Variants in CAPN9 observed in about 807,000 individuals in gnomAD.
CAPN9 encodes calpain 9, also known as calpain-9.
A neutral mutation model predicts 92.8 loss-of-function variants in CAPN9; 81 were observed. The ratio of observed to expected loss-of-function variants is 0.87; its 90% CI spans 0.73 to 1.05. The LOEUF (loss-of-function observed/expected upper bound fraction) is 1.05, where lower values mean the gene tolerates loss of function less well. Ranked by LOEUF, CAPN9 falls within the 50% of genes least tolerant of loss-of-function variation. The pLI is 0.00. For synonymous variants in CAPN9, 304 were observed against 328.0 expected (o/e 0.93, Z 0.79); for missense variants, 848 against 866.2 (o/e 0.98, Z 0.26).
Position 230,790,138 on chromosome 1 carries a change from G to A in CAPN9, c.1606G>A (p.Glu536Lys). Residue 536 changes from glutamate (E) to lysine (K), a missense_variant, in exon 14 of 20, where the codon GAG becomes AAG. By Grantham distance (56) the Glu-to-Lys change is moderately conservative (BLOSUM62 1). Transcript: ENST00000271971. ...ATTGTCTCCACTTCAACAGGACATG[G>A]AGGTGACAGCAGAGGAACTTGAGTA... ...LFEQVAGEDM[E>K]VTAEELEYVL... 6.2e-7 allele frequency: 1 copy of A among 1,613,686 alleles called. No homozygotes were observed. The highest frequency in any genetic ancestry group is 8.5e-7 in the Non-Finnish European group (1 of 1,179,570).
At chr1:230,771,978 A>T in intron 6 of CAPN9, 36 bp from the exon 7 acceptor site, 1 of 1,565,362 alleles carries the variant, frequency 6.4e-7, no homozygotes, top group Non-Finnish European at 8.8e-7. Flanking sequence ...CACCATATTT[A>T]TCATTTCACA....
chr1:230,752,243 TA>T (rs1438034404), intron 1 of CAPN9, among the ~76,000 whole-genome samples: 1 of 152,034 alleles, frequency 6.6e-6, no homozygotes, highest in African/African-American at 2.4e-5. Flanking sequence ...CCCAGGCATC[TA>T]ACCCAGGCCC....
chr1:230,780,739 A>C, intron 11 of CAPN9, 31 bp downstream of exon 11: 1 of 1,584,622 alleles, frequency 6.3e-7, no homozygotes, highest in East Asian at 2.2e-5. Context: ...CCAGAATCCC[A>C]CTTCTTTTAG....
In CAPN9 at chr1:230,747,720, C is replaced by T. The variant is rs12143120; in HGVS notation, c.213+11C>T. On this transcript the variant is annotated intron_variant, in intron 1 of 19. Coordinates refer to ENST00000271971, the MANE Select transcript of CAPN9 (RefSeq NM_006615.3). ...TGGAAACGACCAGGGGTGAGTGGGG[C>T]GAGCAGGGGAAGGAGCATAGATGAG... 646,049 of 1,611,046 alleles carry T rather than the reference C, an allele frequency of 0.4. 131,089 individuals carry two copies. Among genetic ancestry groups the T allele is most frequent in the Admixed American group, 0.42 (25,171 of 59,920 alleles).
At chr1:230,747,872 A>C (rs1664525522) in intron 1 of CAPN9, among the ~76,000 whole-genome samples, 163 bp downstream of exon 1, 1 of 152,096 alleles carries the variant, frequency 6.6e-6, no homozygotes, top group African/African-American at 2.4e-5. Flanking sequence ...GGAGGCAGAA[A>C]ATAATGTACA....
chr1:230,764,757 G>A (rs1193287575), intron 4 of CAPN9, among the ~76,000 whole-genome samples: 3 of 152,216 alleles, frequency 2.0e-5, no homozygotes, highest in Non-Finnish European at 2.9e-5. Context: ...GATGGCGGGA[G>A]CCGAGTTTCT....
chr1:230,747,465 C>A lies in CAPN9; in HGVS notation c.-32C>A. The A allele has an allele frequency of 6.3e-7, 1 of 1,585,982 alleles. No homozygotes were observed. Among genetic ancestry groups the A allele is most frequent in the Non-Finnish European group, 8.7e-7 (1 of 1,154,986 alleles). On this transcript the variant is annotated 5_prime_UTR_variant, in exon 1 of 20. Coordinates refer to ENST00000271971, the MANE Select transcript of CAPN9 (RefSeq NM_006615.3). ...TCTTCACTTTCTTTTCCATCCACTG[C>A]CGGACCCAAGCCAGCCTTCCAGGGA...
intron 5 of CAPN9, among the ~76,000 whole-genome samples, chr1:230,768,654 T>C (rs866074041): frequency 5.3e-5 from 8 of 152,298 alleles, no homozygotes; most frequent in Middle Eastern, 3.4e-3. Context: ...TAATTTTATC[T>C]CATCTTTTTA....
chr1:230,786,004 T>C lies in CAPN9; in HGVS notation c.1505T>C (p.Ile502Thr), dbSNP rs1477755895. The change falls in exon 12 of 20, where the codon ATT becomes ACT. Residue 502 changes from isoleucine (I) to threonine (T), a missense_variant. Coordinates refer to ENST00000271971, the MANE Select transcript of CAPN9 (RefSeq NM_006615.3). ...ITRDMDGNVD[I>T]DLPEPPKPTP... The stretch of plus-strand genomic sequence containing the variant: ...AGGGATATGGATGGAAATGTAGACA[T>C]TGACCTTCCTGAGGTGAGTCTTCTG... 3.7e-6 allele frequency: 6 copies of C among 1,613,950 alleles called. No individual in the cohort carries two copies. Among genetic ancestry groups the C allele is most frequent in the South Asian group, 1.1e-5 (1 of 91,080 alleles).
intron 6 of CAPN9, among the ~76,000 whole-genome samples, chr1:230,771,517 A>C (rs933425659): frequency 6.6e-6 from 1 of 152,202 alleles, no homozygotes; most frequent in African/African-American, 2.4e-5. Context: ...GTTGTGTTTA[A>C]ATCCCCAACA....
chr1:230,767,844 T>G, intron 5 of CAPN9, 135 bp downstream of exon 5: 1 of 736,452 alleles, frequency 1.4e-6, no homozygotes. Context: ...CAGTGTTTAT[T>G]CCTGCTAATT....
rs1321499160 is a variant in CAPN9, at chr1:230,759,700, A to G, written c.402+70A>G. 5 of 934,690 alleles carry G rather than the reference A, an allele frequency of 5.3e-6. No homozygotes were observed. The African/African-American group carries it at 6.7e-5, about 12-fold the overall frequency. 57.9% of individuals were successfully genotyped at this position (934,690 alleles called of 1,614,324 possible). ...GGCATGAGGGCAGGTGCATTTCCAC[A>G]CTGCCTGGTAACCCTAGAAAAAAAT... On this transcript the variant is annotated intron_variant, in intron 3 of 19. Coordinates refer to ENST00000271971, the MANE Select transcript of CAPN9 (RefSeq NM_006615.3).
At chr1:230,792,225 G>T (rs1164159847) in intron 15 of CAPN9, among the ~76,000 whole-genome samples, 1 of 152,076 alleles carries the variant, frequency 6.6e-6, no homozygotes, top group Non-Finnish European at 1.5e-5. Context: ...GAACTTTCCG[G>T]GACCACCCCC....
At chr1:230,757,513 C>CT (rs1665315944) in intron 2 of CAPN9, among the ~76,000 whole-genome samples, 1 of 152,086 alleles carries the variant, frequency 6.6e-6, no homozygotes, top group Admixed American at 6.5e-5. Flanking sequence ...CACCAAAGTA[C>CT]TGTACATGGC....
chr1:230,793,016 C>G (rs1668115200), intron 17 of CAPN9, 88 bp downstream of exon 17: 1 of 1,007,986 alleles, frequency 9.9e-7, no homozygotes, highest in East Asian at 2.4e-5. Flanking sequence ...CTTCTCTCTG[C>G]TGCCCAGGAG....
chr1:230,796,039 A>AG (rs1481414846), intron 18 of CAPN9, among the ~76,000 whole-genome samples: 1 of 151,790 alleles, frequency 6.6e-6, no homozygotes, highest in African/African-American at 2.4e-5. Flanking sequence ...TAAAAAAAAA[A>AG]AAAAGGCAGG....
At position 230,752,546 on chromosome 1, in the gene CAPN9, C is replaced by T. The variant is rs1664915548; in HGVS notation, c.214-2791C>T. ...AGGAGCTGGGAGGCGGTGGCAGCTG[C>T]AGGCACAGTTGGTACGGTTGGCGGG... is the stretch of plus-strand genomic sequence containing the variant. On this transcript the variant is annotated intron_variant, in intron 1 of 19. Transcript: ENST00000271971. The T allele has an allele frequency of 1.2e-5, 3 of 257,214 alleles. No individual in the cohort carries two copies. The South Asian group carries it at 4.2e-4, about 36-fold the overall frequency. The allele number at this position is 257,214 out of a possible 1,614,324, so 15.9% of individuals were successfully genotyped here.
chr1:230,801,488 C>A, intron 19 of CAPN9, 82 bp from the exon 20 acceptor site: 2 of 1,364,866 alleles, frequency 1.5e-6, no homozygotes, highest in Non-Finnish European at 2.1e-6. Flanking sequence ...GTGATATCAG[C>A]AAACTGGGGC....
chr1:230,748,901 G>A (rs1253056129), intron 1 of CAPN9, among the ~76,000 whole-genome samples: 3 of 152,202 alleles, frequency 2.0e-5, no homozygotes, highest in Non-Finnish European at 4.4e-5. Flanking sequence ...TTCCGAAGTG[G>A]TAAGGGTTTT....
Sources: gnomAD v4.1 joint callset for allele counts (sites outside exome capture counted in the v4.1 genomes callset) on GRCh38, gnomAD v4.1.1 for gene constraint, MANE v1.5 for transcripts, NCBI Gene and HGNC (gene_info 2026-07-23, HGNC 2026-07-21) for gene names.